EFCAB5: variants seen among roughly 807,000 people sequenced by gnomAD.
EFCAB5 encodes the protein EF-hand calcium-binding domain-containing protein 5.
In EFCAB5, 131 loss-of-function variants were observed where a neutral mutation model predicts 167.9. The observed-to-expected ratio is 0.78, with a 90% CI of 0.68 to 0.90. EFCAB5 has a LOEUF of 0.90. Among genes scored for constraint, EFCAB5 ranks in the 40% least tolerant of loss-of-function variants. EFCAB5 has a pLI of 0.00. For synonymous variants in EFCAB5, 574 were observed against 602.8 expected (o/e 0.95, Z 0.70); for missense variants, 1,663 against 1,745.2 (o/e 0.95, Z 0.84).
intron 7 of EFCAB5, among the ~76,000 whole-genome samples, chr17:30,016,332 A>G (rs190411725): frequency 6.6e-6 from 1 of 152,134 alleles, no homozygotes; most frequent in Non-Finnish European, 1.5e-5. Flanking sequence ...ATTCAAGGTC[A>G]TATATTCCTG....
chr17:29,984,167 G>T (rs943805592), intron 4 of EFCAB5, among the ~76,000 whole-genome samples: 6 of 151,642 alleles, frequency 4.0e-5, no homozygotes, highest in African/African-American at 1.5e-4. Flanking sequence ...CAAAAGAGCT[G>T]GGTGAAAAAC....
chr17:30,041,234 A>AAGGAAGGAAG (rs2069765214), intron 8 of EFCAB5, among the ~76,000 whole-genome samples: 2 of 58,802 alleles, frequency 3.4e-5, no homozygotes, highest in African/African-American at 1.4e-4. Context: ...AAGGAAGGAA[A>AAGGAAGGAAG]TAATTCACCA....
chr17:29,999,308 G>GTATA (rs141152481), intron 6 of EFCAB5, among the ~76,000 whole-genome samples: 2 of 151,632 alleles, frequency 1.3e-5, no homozygotes, highest in African/African-American at 4.8e-5. Flanking sequence ...AGGTACATGT[G>GTATA]TATATATATA....
At chr17:29,993,498 A>C (rs78216599) in intron 5 of EFCAB5, among the ~76,000 whole-genome samples, 177 bp downstream of exon 5, 1 of 140,758 alleles carries the variant, frequency 7.1e-6, no homozygotes, top group Admixed American at 7.1e-5. Flanking sequence ...GAGCATTACC[A>C]AAAAAAAAAA....
chr17:29,974,256 T>G (rs1442897126), intron 4 of EFCAB5, among the ~76,000 whole-genome samples: 1 of 152,056 alleles, frequency 6.6e-6, no homozygotes, highest in Non-Finnish European at 1.5e-5. Flanking sequence ...TTTTTGTCCT[T>G]AGAATATATC....
At chr17:29,974,166 A>AG (rs890492710) in intron 4 of EFCAB5, among the ~76,000 whole-genome samples, 1 of 151,828 alleles carries the variant, frequency 6.6e-6, no homozygotes, top group Admixed American at 6.6e-5. Flanking sequence ...TAAAAAAAAA[A>AG]AAAAAGCTTC....
At chr17:30,058,615 C>T (rs2070340345) in intron 13 of EFCAB5, among the ~76,000 whole-genome samples, 1 of 152,026 alleles carries the variant, frequency 6.6e-6, no homozygotes, top group Admixed American at 6.6e-5. Context: ...AAATTAATGT[C>T]AAATATAGTC....
intron 3 of EFCAB5, among the ~76,000 whole-genome samples, chr17:29,954,100 T>C (rs902944172): frequency 1.1e-4 from 16 of 152,050 alleles, no homozygotes; most frequent in African/African-American, 3.6e-4. Context: ...GTTTGAAAAT[T>C]TTGCAGCCTG....
chr17:30,037,031 G>A (rs1456168343), intron 8 of EFCAB5, among the ~76,000 whole-genome samples: 1 of 152,088 alleles, frequency 6.6e-6, no homozygotes, highest in Admixed American at 6.5e-5. Flanking sequence ...TGATACCCCT[G>A]GAAATTCCAG....
At chr17:30,012,846 T>C (rs1391885041) in intron 7 of EFCAB5, among the ~76,000 whole-genome samples, 2 of 152,178 alleles carry the variant, frequency 1.3e-5, no homozygotes, top group South Asian at 2.1e-4. Context: ...CTATGTTGAA[T>C]AGGAGTGGTG....
intron 14 of EFCAB5, among the ~76,000 whole-genome samples, chr17:30,060,970 C>A (rs563391074): frequency 6.6e-6 from 1 of 152,118 alleles, no homozygotes; most frequent in South Asian, 2.1e-4. Context: ...TATGAAGAAT[C>A]CTAGAATTTA....
chr17:29,964,152 G>A (rs1024314453), intron 3 of EFCAB5, among the ~76,000 whole-genome samples: 4 of 151,704 alleles, frequency 2.6e-5, no homozygotes, highest in East Asian at 3.9e-4. Context: ...TCTTTATAGC[G>A]ACACAAAATA....
chr17:29,936,256 T>C lies in EFCAB5; in HGVS notation c.-126-5984T>C, dbSNP rs141113577. Among the ~76,000 whole-genome samples the C allele has an allele frequency of 7.2e-3, 1,079 of 150,828 alleles. 13 individuals carry two copies. The highest frequency in any genetic ancestry group is 0.023 in the African/African-American group (923 of 40,948). The stretch of plus-strand genomic sequence containing the variant: ...TCACTCATAGGTGGGAATTGAACAA[T>C]GAGAACACTTGGACACAGGAAGGGG... On this transcript the variant is annotated intron_variant, in intron 1 of 3. Transcript: ENST00000448319.
In EFCAB5 at chr17:30,083,084, C is replaced by T. The variant is rs142867067; in HGVS notation, c.3579+41C>T. ...TAGTGGTAGATCTCTCCAAGGTAGC[C>T]GAGTGTCTAGATGTTATTTCTTGCT... On this transcript the variant is annotated intron_variant, in intron 18 of 22. Transcript: ENST00000394835. 3.1e-3 allele frequency: 5,005 copies of T among 1,592,240 alleles called. 217 individuals are homozygous for T. The Admixed American group carries it at 0.073, about 23-fold the overall frequency.
In EFCAB5 at chr17:29,969,003, G is replaced by A. The variant is rs771075772; in HGVS notation, c.403G>A (p.Asp135Asn). 6.3e-7 allele frequency: 1 copy of A among 1,588,884 alleles called. No homozygotes were observed. Among genetic ancestry groups the A allele is most frequent in the South Asian group, 1.2e-5 (1 of 85,610 alleles). Residue 135 changes from aspartate (D) to asparagine (N), a missense_variant, in exon 4 of 23, where the codon GAT becomes AAT. Coordinates refer to ENST00000394835, the MANE Select transcript of EFCAB5 (RefSeq NM_198529.4). ...RAQAMQQKII[D>N]KENLKKELEK... ...CCAAGCAATGCAGCAGAAAATAATA[G>A]ATAAGGAAAATCTGAAGAAGGAACT...
At chr17:30,021,847 GTAA>G (rs1457804133) in intron 7 of EFCAB5, among the ~76,000 whole-genome samples, 2 of 152,140 alleles carry the variant, frequency 1.3e-5, no homozygotes, top group Non-Finnish European at 2.9e-5. Flanking sequence ...GGAAGATAAT[GTAA>G]TAATAAATGT....
intron 4 of EFCAB5, among the ~76,000 whole-genome samples, chr17:29,969,880 C>A (rs1200315324): frequency 6.6e-6 from 1 of 152,026 alleles, no homozygotes; most frequent in Admixed American, 6.5e-5. Flanking sequence ...TTAATTTTTT[C>A]TTTTACACAA....
chr17:29,991,166 C>T (rs1274543025), intron 4 of EFCAB5, among the ~76,000 whole-genome samples: 1 of 152,176 alleles, frequency 6.6e-6, no homozygotes, highest in African/African-American at 2.4e-5. Flanking sequence ...CTTAAGAGTA[C>T]TCGGGTGTCC....
intron 8 of EFCAB5, among the ~76,000 whole-genome samples, chr17:30,040,002 C>T (rs1241898132): frequency 6.6e-6 from 1 of 152,140 alleles, no homozygotes; most frequent in Non-Finnish European, 1.5e-5. Context: ...GATGTAAATG[C>T]TTGGTTAGAA....
Sources: allele counts gnomAD v4.1 joint callset (sites outside exome capture counted in the v4.1 genomes callset), GRCh38; gene constraint gnomAD v4.1.1; transcripts MANE v1.5; gene names NCBI Gene and HGNC (gene_info 2026-07-23, HGNC 2026-07-21).